The following MAP1B variants were observed in gnomAD, a reference collection of about 807,000 sequenced individuals.
MAP1B encodes microtubule-associated protein 1B.
A neutral mutation model predicts 176.1 loss-of-function variants in MAP1B; 12 were observed. That is an observed-to-expected ratio of 0.07 (90% CI 0.04 to 0.11). MAP1B has a LOEUF of 0.11. MAP1B is among the 10% of genes least tolerant of loss of function. The pLI is 1.00. For synonymous variants in MAP1B, 1,044 were observed against 1,135.0 expected (o/e 0.92, Z 1.61); for missense variants, 2,523 against 2,990.5 (o/e 0.84, Z 3.65).
intron 2 of MAP1B, among the ~76,000 whole-genome samples, chr5:72,171,288 C>G (rs1413572404): frequency 6.6e-6 from 1 of 152,110 alleles, no homozygotes; most frequent in African/African-American, 2.4e-5. Flanking sequence ...AAAGAAAAGG[C>G]ATTTAACAGT....
At position 72,197,062 on chromosome 5, in the gene MAP1B, C is replaced by T; in HGVS notation, c.3707C>T (p.Thr1236Ile). ...TGCTCTGAAGTGAAAGCCAGCACCA[C>T]TTTGGACATCAAAGATAGCATCTCA... ...AYCSEVKAST[T>I]LDIKDSISAV... The change falls in exon 5 of 7, where the codon ACT becomes ATT. Residue 1236 changes from threonine (T) to isoleucine (I), a missense_variant. Coordinates refer to ENST00000296755, the MANE Select transcript of MAP1B (RefSeq NM_005909.5). The T allele has an allele frequency of 6.2e-7, 1 of 1,614,192 alleles. No homozygotes were observed. Among genetic ancestry groups the T allele is most frequent in the Non-Finnish European group, 8.5e-7 (1 of 1,180,026 alleles).
rs544526107 is a variant in MAP1B, at chr5:72,127,780, C to T, written c.286+11981C>T. Among the ~76,000 whole-genome samples the T allele has an allele frequency of 1.2e-4, 19 of 152,142 alleles. No homozygotes were observed. The East Asian group carries it at 3.3e-3, about 26-fold the overall frequency. On this transcript the variant is annotated intron_variant, in intron 2 of 6. Coordinates refer to ENST00000296755, the MANE Select transcript of MAP1B (RefSeq NM_005909.5). ...AAATATTCTAGCTAATTGAGAGTTG[C>T]CAATAATCCCTCGTGGGATTATTAT...
chr5:72,151,535 A>G (rs868068813), intron 2 of MAP1B, among the ~76,000 whole-genome samples: 14 of 152,266 alleles, frequency 9.2e-5, no homozygotes, highest in African/African-American at 3.4e-4. Flanking sequence ...AAGTACTGGA[A>G]GGAAACATGG....
At chr5:72,154,039 G>T (rs1404998096) in intron 2 of MAP1B, among the ~76,000 whole-genome samples, 1 of 152,112 alleles carries the variant, frequency 6.6e-6, no homozygotes, top group Non-Finnish European at 1.5e-5. Flanking sequence ...TTCACATATT[G>T]TACAAAAGTA....
At chr5:72,167,937 A>G (rs1396101240) in intron 2 of MAP1B, among the ~76,000 whole-genome samples, 3 of 152,240 alleles carry the variant, frequency 2.0e-5, no homozygotes, top group African/African-American at 7.2e-5. Flanking sequence ...TCTGTCATTT[A>G]AGAATTATGA....
chr5:72,196,325 G>A lies in MAP1B; in HGVS notation c.2970G>A (p.Arg990=), dbSNP rs1747166598. Reference sequence around the variant, plus strand: ...CTGATGCATACATCAGGGAGAAGAGGGAGTCTGTGGCCAGTGGGGATGACC... The same window carrying A: ...CTGATGCATACATCAGGGAGAAGAGAGAGTCTGTGGCCAGTGGGGATGACC... The part of the protein sequence containing the change: ...AEADAYIREK[R]ESVASGDDRA... Residue 990 remains arginine, a synonymous_variant, in exon 5 of 7, where the codon AGG becomes AGA. Coordinates refer to ENST00000296755, the MANE Select transcript of MAP1B (RefSeq NM_005909.5). This position sits in a 1 kb window ranked among gnomAD's most constrained non-coding sequence, Gnocchi z 5.3. 1 of 1,614,094 alleles carries A rather than the reference G, an allele frequency of 6.2e-7. No individual in the cohort carries two copies. Among genetic ancestry groups the A allele is most frequent in the Non-Finnish European group, 8.5e-7 (1 of 1,180,012 alleles).
Position 72,183,808 on chromosome 5 carries a change from G to A in MAP1B, c.352G>A (p.Glu118Lys), listed in dbSNP as rs1309914584. 2.5e-6 allele frequency: 4 copies of A among 1,614,124 alleles called. No homozygotes were observed. The highest frequency in any genetic ancestry group is 1.3e-5 in the African/African-American group (1 of 75,062). ...ETVVLINPSD[E>K]AVSTEVRLMI... Reference sequence around the variant, plus strand: ...AGTGGTCCTGATCAACCCTTCTGATGAAGCAGTCAGCACCGAGGTAAGCAT... The same window carrying A: ...AGTGGTCCTGATCAACCCTTCTGATAAAGCAGTCAGCACCGAGGTAAGCAT... The change falls in exon 3 of 7, where the codon GAA (glutamate) becomes AAA (lysine). Residue 118 changes from glutamate (E) to lysine (K), a missense_variant. Physicochemically the swap from Glu to Lys is moderately conservative, Grantham distance 56 (BLOSUM62 1). Transcript: ENST00000296755.
chr5:72,161,888 C>G (rs569072374), intron 2 of MAP1B, among the ~76,000 whole-genome samples: 2 of 136,560 alleles, frequency 1.5e-5, no homozygotes, highest in African/African-American at 5.6e-5. Context: ...ACCCGGGAGG[C>G]GGAGGTTGCA....
intron 2 of MAP1B, among the ~76,000 whole-genome samples, chr5:72,160,125 A>G (rs954988683): frequency 6.6e-6 from 1 of 151,696 alleles, no homozygotes; most frequent in East Asian, 1.9e-4. Context: ...TTTCACTTTG[A>G]GCATAAATGG....
rs530118828 is a variant in MAP1B at position 72,115,862 on chromosome 5, G to C, written c.286+63G>C. 1.9e-5 allele frequency: 23 copies of C among 1,209,546 alleles called. No homozygotes were observed. In the African/African-American group the frequency reaches 3.3e-4, roughly 17 times the overall value. 74.9% of individuals were successfully genotyped at this position (1,209,546 alleles called of 1,614,324 possible). On this transcript the variant is annotated intron_variant, in intron 2 of 6. Coordinates refer to ENST00000296755, the MANE Select transcript of MAP1B (RefSeq NM_005909.5). ...CAAAGGACAAGGAGCAAGCTAGAAA[G>C]CTTTGTCTGAGGCAGCAAAAAGACT...
Position 72,197,715 on chromosome 5 carries a change from T to C in MAP1B, c.4360T>C (p.Tyr1454His). The C allele has an allele frequency of 6.2e-7, 1 of 1,614,048 alleles. No homozygotes were observed. Among genetic ancestry groups the C allele is most frequent in the Non-Finnish European group, 8.5e-7 (1 of 1,180,036 alleles). ...PVSEMTSTSL[Y>H]QDKQEGKSTD... is the part of the protein sequence containing the mutation. ...TTCTGAAATGACTTCTACTAGTCTT[T>C]ACCAAGACAAACAGGAAGGGAAAAG... The change falls in exon 5 of 7, where the codon TAC (tyrosine) becomes CAC (histidine). Residue 1454 changes from tyrosine (Y) to histidine (H), a missense_variant. By Grantham distance (83) the Tyr-to-His change is moderately conservative. This residue lies in a region of MAP1B where 1,925 missense variants were observed against 2,126.0 expected (regional missense o/e 0.91). Coordinates refer to ENST00000296755, the MANE Select transcript of MAP1B (RefSeq NM_005909.5).
chr5:72,121,211 A>G (rs1228915242), intron 2 of MAP1B, among the ~76,000 whole-genome samples: 1 of 152,160 alleles, frequency 6.6e-6, no homozygotes, highest in Non-Finnish European at 1.5e-5. Context: ...CCTTGCTATG[A>G]TAACCCATCC....
intron 2 of MAP1B, among the ~76,000 whole-genome samples, chr5:72,181,330 G>A (rs1746762145): frequency 1.3e-5 from 2 of 152,074 alleles, no homozygotes; most frequent in Admixed American, 1.3e-4. Context: ...AAAAGAACCA[G>A]TGTATCCTGA....
intron 2 of MAP1B, among the ~76,000 whole-genome samples, chr5:72,118,915 A>C (rs1745478354): frequency 6.6e-6 from 1 of 152,248 alleles, no homozygotes; most frequent in Non-Finnish European, 1.5e-5. Flanking sequence ...GTAAAGACTG[A>C]AGATAGCCTC....
In MAP1B at chr5:72,199,734, G is replaced by A. The variant is rs755963922; in HGVS notation, c.6379G>A (p.Gly2127Arg). 49 of 1,613,990 alleles carry A rather than the reference G, an allele frequency of 3.0e-5. No individual in the cohort carries two copies. Among genetic ancestry groups the A allele is most frequent in the Non-Finnish European group, 4.1e-5 (48 of 1,180,026 alleles). Residue 2127 changes from glycine (G) to arginine (R), a missense_variant, in exon 5 of 7, where the codon GGG (glycine) becomes AGG (arginine). By Grantham distance (125) the Gly-to-Arg change is moderately radical. This residue lies in a region of MAP1B where 1,925 missense variants were observed against 2,126.0 expected (regional missense o/e 0.91). Transcript: ENST00000296755. The surrounding 1 kb of genome is among the most constrained non-coding windows in gnomAD (Gnocchi z 4.2). ...ATCTGAAAAGCCCCTCACTCAATCA[G>A]GGGGAGCCCCACCGCCTCCAGGAGG... ...EESEKPLTQS[G>R]GAPPPPGGKQ... is the part of the protein sequence containing the mutation.
At chr5:72,129,764 C>T (rs1394745360) in intron 2 of MAP1B, among the ~76,000 whole-genome samples, 2 of 152,124 alleles carry the variant, frequency 1.3e-5, no homozygotes, top group Non-Finnish European at 2.9e-5. Context: ...TTGTGGTCTA[C>T]AAATAATGCT....
intron 2 of MAP1B, among the ~76,000 whole-genome samples, chr5:72,147,263 C>A (rs1311562161): frequency 1.3e-5 from 2 of 152,100 alleles, no homozygotes; most frequent in African/African-American, 4.8e-5. Context: ...GCCACTGTTT[C>A]TGGCCCAAAA....
chr5:72,189,611 C>T (rs761718240), intron 4 of MAP1B, among the ~76,000 whole-genome samples: 11 of 151,774 alleles, frequency 7.2e-5, no homozygotes, highest in Non-Finnish European at 1.3e-4. Flanking sequence ...GGGAGGATCA[C>T]GTGCGGCTAG....
chr5:72,152,423 A>G (rs1395372272), intron 2 of MAP1B, among the ~76,000 whole-genome samples: 2 of 152,144 alleles, frequency 1.3e-5, no homozygotes, highest in African/African-American at 4.8e-5. Flanking sequence ...TAAAGAAAGC[A>G]TTTGGAAAAT....
Sources: gnomAD v4.1 joint callset for allele counts (sites outside exome capture counted in the v4.1 genomes callset) on GRCh38, gnomAD v4.1.1 for gene constraint, gnomAD v4.1.1 regional missense constraint, Gnocchi (gnomAD v3.1) non-coding constraint, MANE v1.5 for transcripts, NCBI Gene and HGNC (gene_info 2026-07-23, HGNC 2026-07-21) for gene names.